Variants in MACROD2 observed in about 807,000 individuals in gnomAD.
MACROD2 encodes the protein mono-ADP ribosylhydrolase 2, also known as ADP-ribose glycohydrolase MACROD2.
MACROD2 carries 36 observed loss-of-function variants against 70.4 expected under a neutral mutation model. That is an observed-to-expected ratio of 0.51 (90% CI 0.39 to 0.68). MACROD2 has a LOEUF of 0.68. MACROD2 is among the 30% of genes least tolerant of loss of function. The pLI is 0.00. For synonymous variants in MACROD2, 172 were observed against 178.8 expected (o/e 0.96, Z 0.30); for missense variants, 496 against 538.4 (o/e 0.92, Z 0.78).
rs567337006 is a variant in MACROD2 at position 15,813,161 on chromosome 20, A to G, written c.646-49584A>G. ...CCCCTCCCCAAAAAAAGCACAAGCT[A>G]AAGCAAATTTATAGAAACCCAACTT... On this transcript the variant is annotated intron_variant, in intron 8 of 17. Transcript: ENST00000684519. Among the ~76,000 whole-genome samples the G allele has an allele frequency of 3.9e-5, 6 of 152,352 alleles. No individual in the cohort carries two copies. In the South Asian group the frequency reaches 1.2e-3, roughly 32 times the overall value.
intron 5 of MACROD2, among the ~76,000 whole-genome samples, chr20:15,126,614 G>A (rs544355111): frequency 1.3e-5 from 2 of 152,128 alleles, no homozygotes; most frequent in South Asian, 2.1e-4. Flanking sequence ...AAGTCTACTT[G>A]TCTGTAAATT....
chr20:15,632,560 T>A (rs998311986), intron 8 of MACROD2, among the ~76,000 whole-genome samples: 1 of 152,202 alleles, frequency 6.6e-6, no homozygotes, highest in Non-Finnish European at 1.5e-5. Flanking sequence ...CCTTACAGTG[T>A]AATTTCCAGA....
intron 10 of MACROD2, among the ~76,000 whole-genome samples, chr20:15,911,805 A>G (rs759161241): frequency 6.6e-6 from 1 of 152,214 alleles, no homozygotes; most frequent in Non-Finnish European, 1.5e-5. Context: ...CAGGAAGTAA[A>G]TAGTACTGTT....
Position 15,940,015 on chromosome 20 carries a change from T to C in MACROD2, c.907+2471T>C, listed in dbSNP as rs113055079. Among the ~76,000 whole-genome samples, 95 of 152,272 alleles carry C rather than the reference T, an allele frequency of 6.2e-4. 1 individual carries two copies. Among genetic ancestry groups the C allele is most frequent in the African/African-American group, 2.2e-3 (90 of 41,546 alleles). ...TGAACAAATGAGAAGTTGCATCTTA[T>C]TTATTAAGAAAAAAAAGTGGTTTCT... On this transcript the variant is annotated intron_variant, in intron 12 of 17. Coordinates refer to ENST00000684519, the MANE Select transcript of MACROD2 (RefSeq NM_001351661.2).
chr20:15,018,403 A>G (rs950743408), intron 5 of MACROD2, among the ~76,000 whole-genome samples: 1 of 152,174 alleles, frequency 6.6e-6, no homozygotes, highest in African/African-American at 2.4e-5. Flanking sequence ...GGGCAAAGCT[A>G]TTCAACAAGT....
chr20:15,741,092 C>CTT (rs397865668), intron 8 of MACROD2, among the ~76,000 whole-genome samples: 9,608 of 123,944 alleles, frequency 0.078, 804 homozygotes, highest in East Asian at 0.38. Context: ...GTTATCATAT[C>CTT]TTTTTTTTTT....
At chr20:14,291,821 A>T (rs2082388763) in intron 3 of MACROD2, among the ~76,000 whole-genome samples, 2 of 151,892 alleles carry the variant, frequency 1.3e-5, no homozygotes, top group South Asian at 4.1e-4. Flanking sequence ...ATGCTTAAGA[A>T]TTACTTTATT....
intron 3 of MACROD2, among the ~76,000 whole-genome samples, chr20:14,104,030 T>TACATACACACACACGC: frequency 6.6e-6 from 1 of 152,204 alleles, no homozygotes; most frequent in Admixed American, 6.5e-5. Context: ...ATCTTATATC[T>TACATACACACACACGC]ACATACACAC....
At chr20:15,331,417 A>C (rs1482454407) in intron 6 of MACROD2, among the ~76,000 whole-genome samples, 1 of 151,738 alleles carries the variant, frequency 6.6e-6, no homozygotes, top group East Asian at 1.9e-4. Context: ...AAATCAGTAT[A>C]TGCATTTATA....
chr20:14,948,036 A>G (rs192634529), intron 5 of MACROD2, among the ~76,000 whole-genome samples: 37 of 152,260 alleles, frequency 2.4e-4, no homozygotes, highest in Non-Finnish European at 1.0e-4. Context: ...CAGAGCAAGT[A>G]TTTCCCCTCC....
chr20:14,513,917 A>G (rs2085057907), intron 4 of MACROD2, among the ~76,000 whole-genome samples: 1 of 152,058 alleles, frequency 6.6e-6, no homozygotes, highest in Non-Finnish European at 1.5e-5. Context: ...ACAAAAACAG[A>G]AACAAGAATA....
At chr20:14,980,111 A>T (rs1049389264) in intron 5 of MACROD2, among the ~76,000 whole-genome samples, 1 of 152,146 alleles carries the variant, frequency 6.6e-6, no homozygotes, top group Non-Finnish European at 1.5e-5. Context: ...TGTCATTTGA[A>T]TATTTGTCCT....
chr20:15,234,785 T>G (rs888585504), intron 6 of MACROD2, among the ~76,000 whole-genome samples: 2 of 152,078 alleles, frequency 1.3e-5, no homozygotes, highest in African/African-American at 4.8e-5. Context: ...AAAGAAAAAT[T>G]TCTATTGAGC....
intron 5 of MACROD2, among the ~76,000 whole-genome samples, chr20:14,842,973 A>T (rs1039306623): frequency 1.3e-5 from 2 of 151,970 alleles, no homozygotes; most frequent in African/African-American, 4.8e-5. Context: ...CCCAGAGTGT[A>T]TGTGCCACTC....
At chr20:14,990,234 T>C (rs931729734) in intron 5 of MACROD2, among the ~76,000 whole-genome samples, 9 of 152,188 alleles carry the variant, frequency 5.9e-5, no homozygotes, top group African/African-American at 1.9e-4. Context: ...TCATATTTAA[T>C]ATCGGGAGAT....
At chr20:14,616,890 T>G (rs1983515451) in intron 4 of MACROD2, among the ~76,000 whole-genome samples, 1 of 152,140 alleles carries the variant, frequency 6.6e-6, no homozygotes, top group Non-Finnish European at 1.5e-5. Context: ...GCTAGTCACT[T>G]TGTGAAGTCA....
chr20:14,041,321 C>T (rs765912269), intron 2 of MACROD2, among the ~76,000 whole-genome samples: 5 of 151,982 alleles, frequency 3.3e-5, no homozygotes, highest in Non-Finnish European at 7.4e-5. Flanking sequence ...ACAGGAAATT[C>T]TGGATATGTG....
chr20:14,210,059 A>C (rs571722785), intron 3 of MACROD2, among the ~76,000 whole-genome samples: 1 of 152,332 alleles, frequency 6.6e-6, no homozygotes, highest in Admixed American at 6.5e-5. Context: ...GCTCATATTG[A>C]GGGAAGAAAA....
chr20:15,061,974 T>A (rs2075536172), intron 5 of MACROD2, among the ~76,000 whole-genome samples: 1 of 152,120 alleles, frequency 6.6e-6, no homozygotes, highest in Middle Eastern at 3.2e-3. Flanking sequence ...GCCACCTCTC[T>A]AGAGAAGCTG....
Sources: gnomAD v4.1 joint callset for allele counts (sites outside exome capture counted in the v4.1 genomes callset) on GRCh38, gnomAD v4.1.1 for gene constraint, MANE v1.5 for transcripts, NCBI Gene and HGNC (gene_info 2026-07-23, HGNC 2026-07-21) for gene names.